LRP1B: variants seen among roughly 807,000 people sequenced by gnomAD.
LRP1B encodes the protein low-density lipoprotein receptor-related protein 1B.
A neutral mutation model predicts 556.6 loss-of-function variants in LRP1B; 217 were observed. The observed-to-expected ratio is 0.39, with a 90% CI of 0.35 to 0.44. The LOEUF (loss-of-function observed/expected upper bound fraction) is 0.44. Ranked by LOEUF, LRP1B falls within the 20% of genes least tolerant of loss-of-function variation. The probability of loss-of-function intolerance (pLI) is 1.00; values close to 1 mark genes in which losing one functional copy is unlikely to be tolerated. For missense variants in LRP1B, 5,053 were observed against 5,620.8 expected (o/e 0.90, Z 3.23); for synonymous variants, 2,047 against 1,865.8 (o/e 1.10, Z -2.50).
intron 7 of LRP1B, among the ~76,000 whole-genome samples, chr2:141,078,255 G>T (rs544201357): frequency 5.3e-5 from 8 of 152,162 alleles, no homozygotes; most frequent in African/African-American, 1.9e-4. Context: ...TTTGTAAAAT[G>T]GAAAATGCTA....
intron 1 of LRP1B, among the ~76,000 whole-genome samples, chr2:141,849,727 C>G (rs1029180693): frequency 1.3e-5 from 2 of 151,534 alleles, no homozygotes; most frequent in African/African-American, 4.8e-5. Flanking sequence ...ATATGTAGAG[C>G]TAATACATAC....
At chr2:140,434,805 A>G (rs1686101860) in intron 66 of LRP1B, among the ~76,000 whole-genome samples, 1 of 152,224 alleles carries the variant, frequency 6.6e-6, no homozygotes, top group Non-Finnish European at 1.5e-5. Flanking sequence ...TTTTGTTATC[A>G]TTATATTATG....
At chr2:141,319,345 T>C (rs1001520314) in intron 3 of LRP1B, among the ~76,000 whole-genome samples, 1 of 146,660 alleles carries the variant, frequency 6.8e-6, no homozygotes, top group East Asian at 2.1e-4. Context: ...CTTGAAATGT[T>C]CCTCAGGACA....
At chr2:140,439,106 A>G (rs1433408433) in intron 66 of LRP1B, among the ~76,000 whole-genome samples, 1 of 152,238 alleles carries the variant, frequency 6.6e-6, no homozygotes, top group Non-Finnish European at 1.5e-5. Flanking sequence ...ATGTGAATCT[A>G]GCACAGTCTG....
intron 32 of LRP1B, among the ~76,000 whole-genome samples, chr2:140,779,039 T>C (rs577715443): frequency 6.6e-6 from 1 of 151,710 alleles, no homozygotes; most frequent in East Asian, 1.9e-4. Context: ...ATGTGGGTTA[T>C]GTATAACCCA....
Position 140,442,754 on chromosome 2 carries a change from A to G in LRP1B, c.10295-131T>C, listed in dbSNP as rs1044974114. On this transcript the variant is annotated intron_variant, in intron 65 of 90. Coordinates refer to ENST00000389484, the MANE Select transcript of LRP1B (RefSeq NM_018557.3). ...TGTCTTTAAATTAATAGGACTCTGA[A>G]GGTGAGGAATTTTAACTTTTAATTC... 3.7e-6 allele frequency: 3 copies of G among 806,552 alleles called. No homozygotes were observed. The African/African-American group carries it at 5.3e-5, about 14-fold the overall frequency. The allele number at this position is 806,552 out of a possible 1,614,324, so 50.0% of individuals were successfully genotyped here.
Position 140,887,852 on chromosome 2 carries a change from T to C in LRP1B, c.3767-1517A>G, listed in dbSNP as rs184959009. Reference sequence around the variant, plus strand: ...GAAATGTCCAGAATAGGCAAATCTTTAGTGGTAGAAAATAGATCAGTGGTT... The same window carrying C: ...GAAATGTCCAGAATAGGCAAATCTTCAGTGGTAGAAAATAGATCAGTGGTT... On this transcript the variant is annotated intron_variant, in intron 23 of 90. Coordinates refer to ENST00000389484, the MANE Select transcript of LRP1B (RefSeq NM_018557.3). 3.1e-3 allele frequency among the ~76,000 whole-genome samples: 473 copies of C among 152,260 alleles called. 1 individual carries two copies. The highest frequency in any genetic ancestry group is 0.01 in the Middle Eastern group (3 of 294).
intron 3 of LRP1B, among the ~76,000 whole-genome samples, chr2:141,376,039 T>TAAGGACCCTCCCAAGGATTGCAA (rs1271017947): frequency 1.3e-5 from 2 of 152,102 alleles, no homozygotes; most frequent in South Asian, 2.1e-4. Flanking sequence ...AGTAGGGCAG[T>TAAGGACCCTCCCAAGGATTGCAA]AAGGACCCTC....
intron 11 of LRP1B, among the ~76,000 whole-genome samples, chr2:141,046,101 AT>A (rs894523401): frequency 1.3e-5 from 2 of 152,102 alleles, no homozygotes; most frequent in Non-Finnish European, 2.9e-5. Context: ...ATAAAGATGG[AT>A]TTTTTTGGAA....
intron 35 of LRP1B, among the ~76,000 whole-genome samples, chr2:140,743,823 G>A (rs1422636166): frequency 6.6e-6 from 1 of 151,330 alleles, no homozygotes; most frequent in African/African-American, 2.4e-5. Context: ...AGCCGGGCGT[G>A]GTGGCGGGTG....
At chr2:140,713,390 T>G (rs1184674906) in intron 37 of LRP1B, among the ~76,000 whole-genome samples, 1 of 152,056 alleles carries the variant, frequency 6.6e-6, no homozygotes. Flanking sequence ...ATATTTGTCT[T>G]GAGCTCTCTC....
Position 140,770,882 on chromosome 2 carries a change from T to C in LRP1B, c.5625A>G (p.Gln1875=). ...GTAAGGTTTTTCATGAACTCATACC[T>C]TGACATGACATACGGTTCTTTTGGA... ...YYLQKNRMSC[Q]GIESFLMYSV... Residue 1875 remains glutamine, a splice_region_variant and synonymous_variant, in exon 34 of 91, where the codon CAA becomes CAG. Transcript: ENST00000389484. 6.4e-7 allele frequency: 1 copy of C among 1,553,960 alleles called. No individual in the cohort carries two copies. Among genetic ancestry groups the C allele is most frequent in the Admixed American group, 2.1e-5 (1 of 46,528 alleles).
At chr2:141,819,563 A>G (rs551380214) in intron 1 of LRP1B, among the ~76,000 whole-genome samples, 5 of 152,326 alleles carry the variant, frequency 3.3e-5, no homozygotes, top group African/African-American at 1.2e-4. Context: ...TATAGAAGTA[A>G]AAAGTGGAAC....
intron 7 of LRP1B, among the ~76,000 whole-genome samples, chr2:141,153,404 T>TAA (rs1701981094): frequency 1.2e-5 from 1 of 81,382 alleles, no homozygotes; most frequent in Non-Finnish European, 2.6e-5. Context: ...TTTATATATA[T>TAA]TATATATTAG....
intron 43 of LRP1B, among the ~76,000 whole-genome samples, chr2:140,559,551 G>C (rs1187202462): frequency 2.0e-5 from 3 of 152,072 alleles, no homozygotes; most frequent in Admixed American, 1.3e-4. Flanking sequence ...AAAAAGTCCA[G>C]TGCCAGCCTG....
At chr2:141,309,816 C>T (rs958137349) in intron 3 of LRP1B, among the ~76,000 whole-genome samples, 1 of 151,900 alleles carries the variant, frequency 6.6e-6, no homozygotes, top group African/African-American at 2.4e-5. Flanking sequence ...ACGTTCTGCA[C>T]ATGGATCCCA....
At chr2:141,917,687 T>C (rs1402560864) in intron 1 of LRP1B, among the ~76,000 whole-genome samples, 1 of 152,204 alleles carries the variant, frequency 6.6e-6, no homozygotes, top group Non-Finnish European at 1.5e-5. Context: ...TTAACCACTA[T>C]CTACTGCTGC....
At position 140,922,266 on chromosome 2, in the gene LRP1B, G is replaced by T. The variant is rs202205107; in HGVS notation, c.3319+699C>A. ...TCTATTACTATAACTTTTCCATTTT[G>T]GTTTCCTATTTGTATACACACACAC... On this transcript the variant is annotated intron_variant, in intron 21 of 90. Transcript: ENST00000389484. Among the ~76,000 whole-genome samples, 11 of 145,678 alleles carry T rather than the reference G, an allele frequency of 7.6e-5. No homozygotes were observed. The East Asian group carries it at 2.0e-3, about 27-fold the overall frequency.
chr2:141,282,208 T>C (rs1025492316), intron 3 of LRP1B, among the ~76,000 whole-genome samples: 1 of 151,974 alleles, frequency 6.6e-6, no homozygotes, highest in Non-Finnish European at 1.5e-5. Context: ...AAAGTGTATA[T>C]AAAGCACGTA....
Sources: gnomAD v4.1 joint callset for allele counts (sites outside exome capture counted in the v4.1 genomes callset) on GRCh38, gnomAD v4.1.1 for gene constraint, MANE v1.5 for transcripts, NCBI Gene and HGNC (gene_info 2026-07-23, HGNC 2026-07-21) for gene names.